The following PDE4DIP variants were observed in gnomAD, a reference collection of about 807,000 sequenced individuals.
PDE4DIP encodes phosphodiesterase 4D interacting protein, also known as myomegalin.
PDE4DIP carries 59 observed loss-of-function variants against 221.4 expected under a neutral mutation model. The ratio of observed to expected loss-of-function variants is 0.27; its 90% CI spans 0.22 to 0.33. The LOEUF (loss-of-function observed/expected upper bound fraction) is 0.33. Among genes scored for constraint, PDE4DIP ranks in the 10% least tolerant of loss-of-function variants. The probability of loss-of-function intolerance (pLI) is 1.00; values close to 1 mark genes in which losing one functional copy is unlikely to be tolerated. For missense variants in PDE4DIP, 1,036 were observed against 2,154.2 expected (o/e 0.48, Z 10.28); for synonymous variants, 404 against 815.9 (o/e 0.50, Z 8.60).
At chr1:148,967,668 A>T in intron 12 of PDE4DIP, 58 bp from the exon 16 acceptor site, 1 of 671,214 alleles carries the variant, frequency 1.5e-6, no homozygotes, top group Non-Finnish European at 2.7e-6. Flanking sequence ...TTTCTTGTTT[A>T]TCCTGAGGAG....
intron 4 of PDE4DIP, among the ~76,000 whole-genome samples, chr1:148,935,088 C>T (rs1258181378): frequency 2.0e-5 from 3 of 152,044 alleles, no homozygotes; most frequent in Non-Finnish European, 4.4e-5. Context: ...GTGGCGCATG[C>T]CTGTAGTCCC....
chr1:148,940,815 G>A (rs1393527850), intron 5 of PDE4DIP, among the ~76,000 whole-genome samples: 12 of 151,352 alleles, frequency 7.9e-5, no homozygotes, highest in Non-Finnish European at 1.5e-4. Flanking sequence ...GACTGGTAGT[G>A]TCTTCCCTCA....
Position 148,978,323 on chromosome 1 carries a change from G to GA in PDE4DIP, c.2484dup (p.Arg829ThrfsTer41). On this transcript the variant is annotated frameshift_variant, in exon 19 of 44. Coordinates refer to ENST00000369354, the Ensembl canonical transcript of PDE4DIP. LOFTEE classifies it high-confidence loss of function. The stretch of plus-strand genomic sequence containing the variant: ...TGATCCTGAAGACATACCAGCTATG[G>GA]AACGCCTGACCCAGGAAGTCTTACT... 1 of 1,612,596 alleles carries GA rather than the reference G, an allele frequency of 6.2e-7. No homozygotes were observed. The highest frequency in any genetic ancestry group is 8.5e-7 in the Non-Finnish European group (1 of 1,178,750).
chr1:148,926,792 G>A (rs1387423258), intron 1 of PDE4DIP, among the ~76,000 whole-genome samples: 2,124 of 151,220 alleles, frequency 0.014, 42 homozygotes, highest in Middle Eastern at 0.031. Flanking sequence ...ATTCCTTTAA[G>A]TATTGACCAC....
chr1:149,023,800 ATG>A (rs1471727421), intron 37 of PDE4DIP, among the ~76,000 whole-genome samples: 1 of 127,414 alleles, frequency 7.8e-6, no homozygotes, highest in Non-Finnish European at 1.6e-5. Context: ...GTACATGTAT[ATG>A]TGTGCACATA....
chr1:148,912,097 C>CT (rs1180350261), intron 1 of PDE4DIP, among the ~76,000 whole-genome samples: 2,945 of 139,056 alleles, frequency 0.021, 75 homozygotes, highest in Middle Eastern at 0.046. Flanking sequence ...CTACCTTTTA[C>CT]TTTTTTTTTT....
At chr1:148,985,201 T>C (rs1243234447) in intron 21 of PDE4DIP, 1 of 152,142 alleles carries the variant, frequency 6.6e-6, no homozygotes, top group Non-Finnish European at 1.5e-5. Flanking sequence ...GCTTTTCTTT[T>C]CTCTTTGGTA....
intron 21 of PDE4DIP, chr1:148,986,490 A>G (rs1270490520): frequency 6.6e-6 from 1 of 152,208 alleles, no homozygotes; most frequent in Non-Finnish European, 1.5e-5. Flanking sequence ...ATTTGGTTTT[A>G]TTCTTAAGAT....
At chr1:148,983,040 A>G (rs1289012501) in intron 21 of PDE4DIP, 1 of 152,104 alleles carries the variant, frequency 6.6e-6, no homozygotes, top group Non-Finnish European at 1.5e-5. Flanking sequence ...TTCAGTTTCA[A>G]TGGCTTTTGA....
chr1:148,930,042 C>T (rs587677528), intron 2 of PDE4DIP: 1 of 151,032 alleles, frequency 6.6e-6, no homozygotes, highest in Non-Finnish European at 1.5e-5. Flanking sequence ...GATCACAGTC[C>T]GTGATAGGGA....
exon 31 of PDE4DIP, chr1:149,010,549 G>T: frequency 6.2e-7 from 1 of 1,614,084 alleles, no homozygotes; most frequent in South Asian, 1.1e-5. Context: ...CCATCAGCTT[G>T]CCAACTCCCC....
At chr1:148,925,676 G>T (rs1181968353) in intron 1 of PDE4DIP, among the ~76,000 whole-genome samples, 16 of 151,986 alleles carry the variant, frequency 1.1e-4, no homozygotes, top group Non-Finnish European at 2.2e-4. Context: ...TGAAGGGAAA[G>T]TGAATCAAGG....
At chr1:149,007,284 A>T (rs782731871) in exon 28 of PDE4DIP, 1 of 1,606,564 alleles carries the variant, frequency 6.2e-7, no homozygotes. Context: ...GGTATTTGTT[A>T]TCTTATCACC....
rs1221874068 is a variant in PDE4DIP at position 148,899,192 on chromosome 1, T to C, written c.141+9298T>C. Among the ~76,000 whole-genome samples the C allele has an allele frequency of 1.7e-5, 2 of 119,126 alleles. 1 individual carries two copies. Among genetic ancestry groups the C allele is most frequent in the Non-Finnish European group, 3.3e-5 (2 of 60,008 alleles). 78.2% of individuals were successfully genotyped at this position (119,126 alleles called of 152,430 possible). On this transcript the variant is annotated intron_variant, in intron 1 of 43. Transcript: ENST00000369354. ...AAAGCAGAGGTGTACAAAAGCAATGTGCACTTGGCACACTGGAATCATTCA... is the reference window on the plus strand; with the variant it reads ...AAAGCAGAGGTGTACAAAAGCAATGCGCACTTGGCACACTGGAATCATTCA...
chr1:148,815,057 G>T (rs1667356700), intron 1 of PDE4DIP, among the ~76,000 whole-genome samples: 1 of 110,040 alleles, frequency 9.1e-6, no homozygotes, highest in Non-Finnish European at 1.9e-5. Flanking sequence ...TCGGAGTTAA[G>T]TATTTAAAAC....
At chr1:148,972,666 T>C (rs1553531719) in intron 16 of PDE4DIP, 74 bp downstream of exon 19, 1 of 485,884 alleles carries the variant, frequency 2.1e-6, no homozygotes, top group Non-Finnish European at 3.6e-6. Context: ...CTCTGTATTA[T>C]AGGTTTGGCC....
exon 42 of PDE4DIP, chr1:149,029,792 A>C (rs1273072170): frequency 1.3e-6 from 2 of 1,539,978 alleles, no homozygotes; most frequent in East Asian, 4.6e-5. Flanking sequence ...TCCAGGGAGA[A>C]TCAACAGAAA....
chr1:148,975,397 G>A (rs1316474162), intron 17 of PDE4DIP, among the ~76,000 whole-genome samples: 3 of 147,872 alleles, frequency 2.0e-5, no homozygotes, highest in African/African-American at 7.6e-5. Flanking sequence ...AGTAAGTGGT[G>A]TCGGCCCAAT....
At chr1:148,991,759 T>A in intron 21 of PDE4DIP, 126 bp from the exon 25 acceptor site, 1 of 785,794 alleles carries the variant, frequency 1.3e-6, no homozygotes, top group Non-Finnish European at 2.1e-6. Flanking sequence ...CTAGGGAGAA[T>A]TTCTGCCCCA....
Sources: allele counts gnomAD v4.1 joint callset (sites outside exome capture counted in the v4.1 genomes callset), GRCh38; gene constraint gnomAD v4.1.1; transcripts MANE v1.5; gene names NCBI Gene and HGNC (gene_info 2026-07-23, HGNC 2026-07-21).